ATXN7: variants seen among roughly 807,000 people sequenced by gnomAD.
ATXN7 encodes ataxin 7.
A neutral mutation model predicts 70.5 loss-of-function variants in ATXN7; 12 were observed. That is an observed-to-expected ratio of 0.17 (90% CI 0.11 to 0.28). The LOEUF is 0.28. Ranked by LOEUF, ATXN7 falls within the 10% of genes least tolerant of loss-of-function variation. ATXN7 has a pLI of 1.00. For synonymous variants in ATXN7, 498 were observed against 448.7 expected (o/e 1.11, Z -1.39); for missense variants, 1,256 against 1,131.7 (o/e 1.11, Z -1.58).
intron 7 of ATXN7, 123 bp downstream of exon 7, chr3:63,982,568 G>A: frequency 1.1e-6 from 1 of 891,026 alleles, no homozygotes; most frequent in Non-Finnish European, 1.7e-6. Context: ...GCTTTAGGAG[G>A]AAGTTCCTTA....
intron 5 of ATXN7, chr3:63,968,060 T>C (rs2075255667): frequency 2.7e-6 from 3 of 1,097,916 alleles, no homozygotes; most frequent in Admixed American, 2.1e-5. Flanking sequence ...GGGTAGGTCT[T>C]TGCTAACCTT....
Position 63,903,077 on chromosome 3 carries a change from A to T in ATXN7, c.-12+4580A>T, listed in dbSNP as rs1043547657. On this transcript the variant is annotated intron_variant, in intron 2 of 12. Transcript: ENST00000674280. ...ACTTATCATCATCATCATCATCATCATCATCACCACTTTTTCACAAAAATA... is the reference window on the plus strand; with the variant it reads ...ACTTATCATCATCATCATCATCATCTTCATCACCACTTTTTCACAAAAATA... Among the ~76,000 whole-genome samples, 6 of 152,084 alleles carry T rather than the reference A, an allele frequency of 3.9e-5. No individual in the cohort carries two copies. In the East Asian group the frequency reaches 9.7e-4, roughly 25 times the overall value.
At chr3:63,912,018 T>A (rs1028693504) in intron 2 of ATXN7, 1 of 152,232 alleles carries the variant, frequency 6.6e-6, no homozygotes, top group African/African-American at 2.4e-5. Context: ...ACGTGCAAAC[T>A]TCGCCGGAGC....
chr3:63,996,523 C>T (rs775905919), intron 12 of ATXN7, 40 bp downstream of exon 12: 3 of 1,564,048 alleles, frequency 1.9e-6, no homozygotes, highest in Non-Finnish European at 2.6e-6. Flanking sequence ...ATGCCCATTT[C>T]TTCTCCCTTA....
intron 5 of ATXN7, among the ~76,000 whole-genome samples, chr3:63,977,488 G>A (rs2075407080): frequency 6.6e-6 from 1 of 152,128 alleles, no homozygotes; most frequent in African/African-American, 2.4e-5. Context: ...TGTTCCTTTA[G>A]TGCACTGTTT....
At chr3:63,993,014 C>A (rs2075696471) in intron 11 of ATXN7, among the ~76,000 whole-genome samples, 1 of 152,160 alleles carries the variant, frequency 6.6e-6, no homozygotes, top group Non-Finnish European at 1.5e-5. Context: ...GCCCAAAATC[C>A]TTCCTTACAG....
intron 12 of ATXN7, chr3:63,998,208 G>GA (rs1559664736): frequency 2.2e-6 from 2 of 920,876 alleles, no homozygotes; most frequent in Admixed American, 7.6e-5. Context: ...GAAGGGGGGG[G>GA]GGCCAGGTGG....
intron 5 of ATXN7, among the ~76,000 whole-genome samples, chr3:63,955,173 T>G (rs1185974374): frequency 6.6e-6 from 1 of 152,064 alleles, no homozygotes; most frequent in East Asian, 1.9e-4. Flanking sequence ...TACTCCAAGG[T>G]CTCCTGTGGC....
At chr3:63,926,699 G>GGCTACTGCT (rs1459628848) in intron 4 of ATXN7, among the ~76,000 whole-genome samples, 2 of 151,970 alleles carry the variant, frequency 1.3e-5, no homozygotes, top group Non-Finnish European at 2.9e-5. Flanking sequence ...CCCACTGACG[G>GGCTACTGCT]GCTACTGCTT....
At chr3:63,972,499 GA>G (rs2075328221) in intron 5 of ATXN7, among the ~76,000 whole-genome samples, 1 of 152,090 alleles carries the variant, frequency 6.6e-6, no homozygotes, top group African/African-American at 2.4e-5. Context: ...TTCATTTAAA[GA>G]AAAATATGTG....
intron 1 of ATXN7, among the ~76,000 whole-genome samples, chr3:63,884,394 C>T (rs1421398085): frequency 6.6e-6 from 1 of 151,696 alleles, no homozygotes; most frequent in Non-Finnish European, 1.5e-5. Context: ...TAGATTGTAA[C>T]CCAATATATA....
chr3:63,898,551 G>C (rs925331240), intron 2 of ATXN7, 54 bp downstream of exon 2: 1 of 152,122 alleles, frequency 6.6e-6, no homozygotes, highest in Non-Finnish European at 1.5e-5. Flanking sequence ...AATGCTTCCA[G>C]TTATAATAGA....
At chr3:63,961,663 C>T (rs2075134382) in intron 5 of ATXN7, among the ~76,000 whole-genome samples, 1 of 151,776 alleles carries the variant, frequency 6.6e-6, no homozygotes, top group Non-Finnish European at 1.5e-5. Flanking sequence ...TTTTATTTGT[C>T]ATTTATACCT....
At chr3:63,926,187 T>C (rs1450067320) in intron 4 of ATXN7, among the ~76,000 whole-genome samples, 2 of 152,262 alleles carry the variant, frequency 1.3e-5, no homozygotes, top group African/African-American at 4.8e-5. Flanking sequence ...TTATTGAGCA[T>C]CTACTTTGTG....
intron 2 of ATXN7, among the ~76,000 whole-genome samples, chr3:63,908,910 G>A (rs1575877016): frequency 6.6e-6 from 1 of 152,312 alleles, no homozygotes; most frequent in South Asian, 2.1e-4. Flanking sequence ...GGGATGAAAT[G>A]CACAGAATTA....
At chr3:63,956,402 C>T (rs1246635115) in intron 5 of ATXN7, among the ~76,000 whole-genome samples, 2 of 111,790 alleles carry the variant, frequency 1.8e-5, no homozygotes, top group South Asian at 3.0e-4. Context: ...GCCTGGGTGA[C>T]GGAGCGAGAC....
intron 4 of ATXN7, among the ~76,000 whole-genome samples, chr3:63,942,609 G>A (rs759022786): frequency 1.3e-5 from 2 of 152,094 alleles, no homozygotes; most frequent in Non-Finnish European, 2.9e-5. Context: ...TAGAATACCT[G>A]CCACAATAAC....
chr3:63,995,694 A>C lies in ATXN7; in HGVS notation c.1872A>C (p.Thr624=). Residue 624 remains threonine (T), a synonymous_variant, in exon 12 of 13, where the codon ACA becomes ACC. Coordinates refer to ENST00000674280, the MANE Select transcript of ATXN7 (RefSeq NM_001377405.1). ...AATCGGTACCAGCTCATGGAACCAC[A>C]CTAAATGCACAGCCTGCTGCTTCAG... ...NSKSVPAHGT[T]LNAQPAASGA... 1 of 1,614,184 alleles carries C rather than the reference A, an allele frequency of 6.2e-7. No individual in the cohort carries two copies. The highest frequency in any genetic ancestry group is 8.5e-7 in the Non-Finnish European group (1 of 1,180,042).
rs557741706 is a variant in ATXN7, at chr3:63,999,756, TTTTTG to T, written c.*299_*303del. On this transcript the variant is annotated 3_prime_UTR_variant, in exon 13 of 13. Coordinates refer to ENST00000674280, the MANE Select transcript of ATXN7 (RefSeq NM_001377405.1). ...GCTACCAATCTGTGAGAAGTTTTTG[TTTTTG>T]TTTTGTTTTTTAACTTGCAGTATAT... 2.0e-4 allele frequency: 113 copies of T among 570,064 alleles called. 1 individual carries two copies. The highest frequency in any genetic ancestry group is 1.3e-3 in the Admixed American group (44 of 32,890). The allele number at this position is 570,064 out of a possible 1,614,324, so 35.3% of individuals were successfully genotyped here.
Sources: allele counts gnomAD v4.1 joint callset (sites outside exome capture counted in the v4.1 genomes callset), GRCh38; gene constraint gnomAD v4.1.1; transcripts MANE v1.5; gene names NCBI Gene and HGNC (gene_info 2026-07-23, HGNC 2026-07-21).